Variants in COL23A1 observed in about 807,000 individuals in gnomAD.
The protein encoded by COL23A1 is collagen alpha-1(XXIII) chain.
COL23A1 carries 97 observed loss-of-function variants against 99.3 expected under a neutral mutation model. The observed-to-expected ratio is 0.98, with a 90% CI of 0.83 to 1.16. COL23A1 has a LOEUF of 1.16. COL23A1 is among the 50% of genes most tolerant of loss of function. COL23A1 has a pLI of 0.00. For synonymous variants in COL23A1, 320 were observed against 308.2 expected, an observed-to-expected ratio of 1.04 and a Z score of -0.40; for missense variants, 762 against 757.4, an observed-to-expected ratio of 1.01 and a Z score of -0.07.
At chr5:178,285,444 G>A (rs747083594) in intron 5 of COL23A1, among the ~76,000 whole-genome samples, 2 of 152,144 alleles carry the variant, frequency 1.3e-5, no homozygotes, top group African/African-American at 4.8e-5. Flanking sequence ...TTCTAAAACC[G>A]ACCATTCTCA....
At chr5:178,330,117 C>T (rs1161777716) in intron 2 of COL23A1, among the ~76,000 whole-genome samples, 1 of 152,142 alleles carries the variant, frequency 6.6e-6, no homozygotes, top group Non-Finnish European at 1.5e-5. Flanking sequence ...GGGAGAGATG[C>T]TCCCTGCAGG....
At chr5:178,320,921 G>A (rs943194858) in intron 2 of COL23A1, among the ~76,000 whole-genome samples, 1 of 152,240 alleles carries the variant, frequency 6.6e-6, no homozygotes, top group Non-Finnish European at 1.5e-5. Context: ...GCACTCCAGA[G>A]GTGGGGTGTG....
At chr5:178,555,716 G>GT (rs564705874) in intron 2 of COL23A1, among the ~76,000 whole-genome samples, 75 of 152,340 alleles carry the variant, frequency 4.9e-4, no homozygotes, top group African/African-American at 1.8e-3. Flanking sequence ...CCACAGGGCA[G>GT]TTATTTACAA....
chr5:178,522,338 T>C (rs527242260), intron 2 of COL23A1, among the ~76,000 whole-genome samples: 66 of 152,176 alleles, frequency 4.3e-4, no homozygotes, highest in African/African-American at 1.2e-3. Context: ...CGTGTTTTGG[T>C]CCTCTCAAAT....
At chr5:178,300,739 T>A (rs115296461) in intron 3 of COL23A1, among the ~76,000 whole-genome samples, 1 of 80,890 alleles carries the variant, frequency 1.2e-5, no homozygotes, top group African/African-American at 3.6e-5. Flanking sequence ...TTATTTATTT[T>A]TTTTAGTAGA....
At chr5:178,305,665 T>A (rs1413088899) in intron 3 of COL23A1, among the ~76,000 whole-genome samples, 1 of 151,454 alleles carries the variant, frequency 6.6e-6, no homozygotes, top group African/African-American at 2.4e-5. Context: ...GAGGAGGAGA[T>A]GTTCTGGGTG....
intron 2 of COL23A1, among the ~76,000 whole-genome samples, chr5:178,539,352 G>C (rs1051703864): frequency 1.3e-5 from 2 of 152,030 alleles, no homozygotes; most frequent in African/African-American, 2.4e-5. Context: ...TTCGAGACCA[G>C]CCTGGCCAAC....
chr5:178,265,143 AT>A (rs1755809460), intron 8 of COL23A1, among the ~76,000 whole-genome samples: 1 of 152,198 alleles, frequency 6.6e-6, no homozygotes, highest in Non-Finnish European at 1.5e-5. Flanking sequence ...CTGATCTGAT[AT>A]AGCTCACCTC....
In COL23A1 at chr5:178,501,660, T is replaced by G. The variant is rs546431954; in HGVS notation, c.361+59022A>C. ...GGCATCCTGGTATGATAGAGGGCAT[T>G]AGGCAACTGCCACTCTAGTCCCTCA... is the stretch of plus-strand genomic sequence containing the variant. On this transcript the variant is annotated intron_variant, in intron 2 of 28. Coordinates refer to ENST00000390654, the MANE Select transcript of COL23A1 (RefSeq NM_173465.4). 3.3e-5 allele frequency among the ~76,000 whole-genome samples: 5 copies of G among 152,078 alleles called. No individual in the cohort carries two copies. In the East Asian group the frequency reaches 7.8e-4, roughly 24 times the overall value.
chr5:178,421,978 G>T (rs961092052), intron 2 of COL23A1, among the ~76,000 whole-genome samples: 1 of 152,176 alleles, frequency 6.6e-6, no homozygotes, highest in Middle Eastern at 3.2e-3. Context: ...TGCCCAGGGG[G>T]CCTCCCAGCC....
intron 2 of COL23A1, among the ~76,000 whole-genome samples, chr5:178,392,937 C>T (rs575423572): frequency 4.5e-4 from 68 of 152,336 alleles, no homozygotes; most frequent in Non-Finnish European, 8.1e-4. Flanking sequence ...TAGTGCAACT[C>T]CTCACCAGTA....
intron 3 of COL23A1, among the ~76,000 whole-genome samples, chr5:178,302,690 T>A (rs775680413): frequency 6.6e-6 from 1 of 152,228 alleles, no homozygotes; most frequent in Non-Finnish European, 1.5e-5. Flanking sequence ...GAACATCTCA[T>A]TCCCTATATT....
At chr5:178,419,463 C>T (rs1765483384) in intron 2 of COL23A1, among the ~76,000 whole-genome samples, 1 of 152,208 alleles carries the variant, frequency 6.6e-6, no homozygotes, top group Non-Finnish European at 1.5e-5. Context: ...GGCACCACGA[C>T]CTGAATTATC....
intron 2 of COL23A1, among the ~76,000 whole-genome samples, chr5:178,389,998 T>G (rs976702195): frequency 6.6e-6 from 1 of 152,176 alleles, no homozygotes; most frequent in Non-Finnish European, 1.5e-5. Flanking sequence ...AGCGGGGTGC[T>G]CAGAGACTAT....
chr5:178,511,744 T>TCC (rs1280853670), intron 2 of COL23A1, among the ~76,000 whole-genome samples: 1 of 152,146 alleles, frequency 6.6e-6, no homozygotes, highest in Non-Finnish European at 1.5e-5. Context: ...CTCCTGAGCC[T>TCC]CCTCCCTGAG....
chr5:178,552,708 A>T (rs1366486055), intron 2 of COL23A1, among the ~76,000 whole-genome samples: 1 of 35,960 alleles, frequency 2.8e-5, no homozygotes, highest in Non-Finnish European at 4.4e-5. Context: ...AAAAAAATTA[A>T]AAAAAAAAAA....
intron 2 of COL23A1, among the ~76,000 whole-genome samples, chr5:178,541,377 C>A (rs1044225081): frequency 3.9e-5 from 6 of 152,100 alleles, no homozygotes; most frequent in African/African-American, 4.8e-5. Context: ...CACTTGAGGC[C>A]AGGAGTTCAA....
At chr5:178,348,193 GCC>G (rs1761099094) in intron 2 of COL23A1, among the ~76,000 whole-genome samples, 1 of 151,896 alleles carries the variant, frequency 6.6e-6, no homozygotes, top group South Asian at 2.1e-4. Flanking sequence ...TCCACCTGCC[GCC>G]CAGGGCTTGG....
At chr5:178,438,272 TAA>T (rs1766670625) in intron 2 of COL23A1, among the ~76,000 whole-genome samples, 1 of 152,196 alleles carries the variant, frequency 6.6e-6, no homozygotes, top group Admixed American at 6.5e-5. Flanking sequence ...GTTACTGCTT[TAA>T]GAGTTAAAAG....
Sources: allele counts gnomAD v4.1 joint callset (sites outside exome capture counted in the v4.1 genomes callset), GRCh38; gene constraint gnomAD v4.1.1; transcripts MANE v1.5; gene names NCBI Gene and HGNC (gene_info 2026-07-23, HGNC 2026-07-21).